Variants in MYO3B observed in about 807,000 individuals in gnomAD.
MYO3B encodes the protein myosin-IIIb.
A neutral mutation model predicts 174.6 loss-of-function variants in MYO3B; 156 were observed. That is an observed-to-expected ratio of 0.89 (90% CI 0.78 to 1.02). MYO3B has a LOEUF of 1.02. Among genes scored for constraint, MYO3B ranks in the 50% least tolerant of loss-of-function variants. MYO3B has a pLI of 0.00. For synonymous variants in MYO3B, 563 were observed against 569.1 expected (o/e 0.99, Z 0.15); for missense variants, 1,632 against 1,639.4 (o/e 1.00, Z 0.08).
chr2:170,473,316 TG>T (rs1172622822), intron 25 of MYO3B, among the ~76,000 whole-genome samples: 11 of 151,858 alleles, frequency 7.2e-5, no homozygotes, highest in Non-Finnish European at 1.6e-4. Flanking sequence ...CTAATTTTTT[TG>T]TATTTTTTTT....
At chr2:170,197,782 A>G (rs1366272136) in intron 1 of MYO3B, among the ~76,000 whole-genome samples, 2 of 152,140 alleles carry the variant, frequency 1.3e-5, no homozygotes, top group Non-Finnish European at 2.9e-5. Flanking sequence ...TTTATTAACT[A>G]TTTACTGAAT....
At chr2:170,502,732 G>C (rs1402263490) in intron 28 of MYO3B, among the ~76,000 whole-genome samples, 2 of 152,186 alleles carry the variant, frequency 1.3e-5, no homozygotes, top group East Asian at 1.9e-4. Flanking sequence ...AAATAGCCAG[G>C]CTGGTAGACT....
rs372902314 is a variant in MYO3B, at chr2:170,586,887, C to T, written c.3733+42899C>T. ...GGCAGCCTTTTAGAACATAATTCTTCCAGAACTTCTACTTTGACAATTGAT... is the reference window on the plus strand; with the variant it reads ...GGCAGCCTTTTAGAACATAATTCTTTCAGAACTTCTACTTTGACAATTGAT... On this transcript the variant is annotated intron_variant, in intron 32 of 34. Transcript: ENST00000408978. 7.1e-4 allele frequency among the ~76,000 whole-genome samples: 108 copies of T among 152,308 alleles called. 1 individual carries two copies. The South Asian group carries it at 0.022, about 31-fold the overall frequency.
At chr2:170,251,030 C>T (rs1373949092) in intron 7 of MYO3B, among the ~76,000 whole-genome samples, 1 of 151,896 alleles carries the variant, frequency 6.6e-6, no homozygotes, top group Non-Finnish European at 1.5e-5. Flanking sequence ...AACAGGAATG[C>T]CTGTTTTCAC....
At chr2:170,535,536 A>C (rs1180096282) in intron 30 of MYO3B, among the ~76,000 whole-genome samples, 1 of 152,204 alleles carries the variant, frequency 6.6e-6, no homozygotes, top group Non-Finnish European at 1.5e-5. Flanking sequence ...TTGTGTGATT[A>C]TCTGGAAGAG....
At chr2:170,585,473 C>T (rs374070101) in intron 32 of MYO3B, among the ~76,000 whole-genome samples, 11 of 152,250 alleles carry the variant, frequency 7.2e-5, no homozygotes, top group South Asian at 2.1e-4. Flanking sequence ...CTCCACCTCC[C>T]GCCTGCATTG....
intron 32 of MYO3B, chr2:170,646,794 T>C: frequency 1.7e-6 from 1 of 572,308 alleles, no homozygotes. Flanking sequence ...AACCTTATGG[T>C]GTATGAATTA....
At chr2:170,302,768 G>T (rs1342389642) in intron 7 of MYO3B, among the ~76,000 whole-genome samples, 1 of 152,202 alleles carries the variant, frequency 6.6e-6, no homozygotes, top group Non-Finnish European at 1.5e-5. Flanking sequence ...AATTTTATAT[G>T]TGTTAATTCC....
At chr2:170,298,046 A>G (rs1553587418) in intron 7 of MYO3B, among the ~76,000 whole-genome samples, 1 of 152,198 alleles carries the variant, frequency 6.6e-6, no homozygotes, top group Non-Finnish European at 1.5e-5. Context: ...ATATATGTGT[A>G]TATTTTTATA....
chr2:170,602,265 C>G, intron 32 of MYO3B: 1 of 791,962 alleles, frequency 1.3e-6, no homozygotes, highest in South Asian at 1.4e-5. Context: ...ACACAGTCAC[C>G]CAGTGCCCGT....
chr2:170,290,259 A>G (rs1269308869), intron 7 of MYO3B, among the ~76,000 whole-genome samples: 2 of 152,024 alleles, frequency 1.3e-5, no homozygotes, highest in African/African-American at 4.8e-5. Flanking sequence ...TGATCTTTAC[A>G]TTACTGAGAA....
At chr2:170,590,057 G>C (rs1055693852) in intron 32 of MYO3B, among the ~76,000 whole-genome samples, 1 of 152,186 alleles carries the variant, frequency 6.6e-6, no homozygotes, top group Non-Finnish European at 1.5e-5. Flanking sequence ...GTAGTAGGCT[G>C]TACTGTCTAG....
chr2:170,619,464 C>A (rs1202972256), intron 32 of MYO3B, among the ~76,000 whole-genome samples: 3 of 152,298 alleles, frequency 2.0e-5, no homozygotes, highest in Admixed American at 2.0e-4. Context: ...TAGCTGGGTG[C>A]TTGTGGCTCA....
intron 8 of MYO3B, chr2:170,337,756 T>A (rs2093954946): frequency 6.6e-6 from 1 of 152,226 alleles, no homozygotes; most frequent in South Asian, 2.1e-4. Flanking sequence ...ATTTTATGTG[T>A]TATATGTATT....
chr2:170,200,204 C>G lies in MYO3B; in HGVS notation c.241C>G (p.His81Asp). The change falls in exon 3 of 35, where the codon CAT (histidine) becomes GAT (aspartate). Residue 81 changes from histidine (H) to aspartate (D), a missense_variant. Transcript: ENST00000408978. ...EYNILQFLPNHPNVVKFYGMF... is the reference protein window; with the variant it reads ...EYNILQFLPNDPNVVKFYGMF... ...CAACATTTTGCAGTTCCTTCCTAAT[C>G]ATCCCAATGTTGTAAAGTTTTATGG... is the stretch of plus-strand genomic sequence containing the variant. 6.2e-7 allele frequency: 1 copy of G among 1,613,444 alleles called. No homozygotes were observed. The highest frequency in any genetic ancestry group is 8.5e-7 in the Non-Finnish European group (1 of 1,179,624).
chr2:170,550,394 C>T (rs1690797739), intron 32 of MYO3B, among the ~76,000 whole-genome samples: 1 of 152,212 alleles, frequency 6.6e-6, no homozygotes, highest in African/African-American at 2.4e-5. Flanking sequence ...GACTGCTGAA[C>T]CCACTGCATA....
Position 170,653,404 on chromosome 2 carries a change from CATGCCCCCA to C in MYO3B, c.*284_*292del. ...CTTTACAATAGTTTAAACAGTCATT[CATGCCCCCA>C]GTGTCTAGGAAGATAACAGCCAGTC... On this transcript the variant is annotated 3_prime_UTR_variant, in exon 35 of 35. Coordinates refer to ENST00000408978, the MANE Select transcript of MYO3B (RefSeq NM_138995.5). 2.6e-6 allele frequency: 1 copy of C among 391,664 alleles called. No homozygotes were observed. The highest frequency in any genetic ancestry group is 4.6e-6 in the Non-Finnish European group (1 of 217,148). 24.3% of individuals were successfully genotyped at this position (391,664 alleles called of 1,614,324 possible).
intron 9 of MYO3B, among the ~76,000 whole-genome samples, chr2:170,379,456 G>A (rs747575270): frequency 6.6e-5 from 10 of 152,166 alleles, no homozygotes; most frequent in Non-Finnish European, 1.2e-4. Context: ...GCCGCCCAAA[G>A]TGCTGGGATT....
intron 22 of MYO3B, among the ~76,000 whole-genome samples, chr2:170,438,156 C>A (rs1027864460): frequency 2.0e-4 from 30 of 152,264 alleles, no homozygotes; most frequent in African/African-American, 5.3e-4. Flanking sequence ...CTTTTGATAT[C>A]TCATGTAAGT....
Sources: gnomAD v4.1 joint callset for allele counts (sites outside exome capture counted in the v4.1 genomes callset) on GRCh38, gnomAD v4.1.1 for gene constraint, MANE v1.5 for transcripts, NCBI Gene and HGNC (gene_info 2026-07-23, HGNC 2026-07-21) for gene names.